FUCA2: variants seen among roughly 807,000 people sequenced by gnomAD.
FUCA2 encodes the protein plasma alpha-L-fucosidase.
In FUCA2, 41 loss-of-function variants were observed where a neutral mutation model predicts 52.6. The ratio of observed to expected loss-of-function variants is 0.78; its 90% CI spans 0.61 to 1.01. The LOEUF is 1.01. Ranked by LOEUF, FUCA2 falls within the 50% of genes least tolerant of loss-of-function variation. The pLI is 0.00. For missense variants in FUCA2, 507 were observed against 569.5 expected (o/e 0.89, Z 1.12); for synonymous variants, 211 against 217.3 (o/e 0.97, Z 0.26).
Position 143,510,260 on chromosome 6 carries a change from G to C in FUCA2, c.224+1151C>G, listed in dbSNP as rs954258760. Among the ~76,000 whole-genome samples, 1 of 152,064 alleles carries C rather than the reference G, an allele frequency of 6.6e-6. No homozygotes were observed. Among genetic ancestry groups the C allele is most frequent in the Admixed American group, 6.6e-5 (1 of 15,260 alleles). On this transcript the variant is annotated intron_variant, in intron 1 of 6. Coordinates refer to ENST00000002165, the MANE Select transcript of FUCA2 (RefSeq NM_032020.5). This position sits in a 1 kb window ranked among gnomAD's most constrained non-coding sequence, Gnocchi z 4.4. ...TAATATATAGTTCATACTCTGTATT[G>C]TGTCTACTAAATATAGTATGTTAAT...
In FUCA2 at chr6:143,502,521, C is replaced by G. The variant is rs1375215769; in HGVS notation, c.797G>C (p.Gly266Ala). The stretch of plus-strand genomic sequence containing the variant: ...GAAGCCACCATGCTTACAGATGCTA[C>G]CAGCTCCCCAACGATCATTGGTGAC... ...TVVTNDRWGAGSICKHGGFYT... is the reference protein window; with the variant it reads ...TVVTNDRWGAASICKHGGFYT... Residue 266 changes from glycine (G) to alanine (A), a missense_variant, in exon 4 of 7, where the codon GGT becomes GCT. Coordinates refer to ENST00000002165, the MANE Select transcript of FUCA2 (RefSeq NM_032020.5). The surrounding 1 kb of genome is among the most constrained non-coding windows in gnomAD (Gnocchi z 4.1). 3 of 1,613,996 alleles carry G rather than the reference C, an allele frequency of 1.9e-6. No individual in the cohort carries two copies. The highest frequency in any genetic ancestry group is 1.6e-4 in the Middle Eastern group (1 of 6,084).
Position 143,504,280 on chromosome 6 carries a change from A to T in FUCA2, c.413-28T>A, listed in dbSNP as rs1408293517. On this transcript the variant is annotated intron_variant, in intron 2 of 6. Coordinates refer to ENST00000002165, the MANE Select transcript of FUCA2 (RefSeq NM_032020.5). The surrounding 1 kb of genome is among the most constrained non-coding windows in gnomAD (Gnocchi z 4.4). ...AGAAAATTATAGTGAAAACCCTTGT[A>T]AGCATGTCAACTTTATTTTAGTAAA... 6.4e-7 allele frequency: 1 copy of T among 1,561,942 alleles called. No homozygotes were observed. Among genetic ancestry groups the T allele is most frequent in the South Asian group, 1.2e-5 (1 of 84,790 alleles).
In FUCA2 at chr6:143,511,475, T is replaced by C. The variant is rs948164688; in HGVS notation, c.160A>G (p.Lys54Glu). The C allele has an allele frequency of 6.2e-7, 1 of 1,608,970 alleles. No individual in the cohort carries two copies. Among genetic ancestry groups the C allele is most frequent in the Admixed American group, 1.7e-5 (1 of 59,434 alleles). ...CCCCAGTGGATGAAGATGCCGAACTTGGCCTGGTCAAACCACGCGGGCAGC... is the reference window on the plus strand; with the variant it reads ...CCCCAGTGGATGAAGATGCCGAACTCGGCCTGGTCAAACCACGCGGGCAGC... ...RQLPAWFDQA[K>E]FGIFIHWGVF... is the part of the protein sequence containing the mutation. Residue 54 changes from lysine to glutamate, a missense_variant, in exon 1 of 7, where the codon AAG (lysine) becomes GAG (glutamate). Physicochemically the swap from Lys to Glu is moderately conservative, Grantham distance 56. Coordinates refer to ENST00000002165, the MANE Select transcript of FUCA2 (RefSeq NM_032020.5). This position sits in a 1 kb window ranked among gnomAD's most constrained non-coding sequence, Gnocchi z 6.3.
At position 143,500,142 on chromosome 6, in the gene FUCA2, G is replaced by T. The variant is rs764346376; in HGVS notation, c.1154+1790C>A. Among the ~76,000 whole-genome samples, 2 of 152,096 alleles carry T rather than the reference G, an allele frequency of 1.3e-5. No homozygotes were observed. Among genetic ancestry groups the T allele is most frequent in the Admixed American group, 1.3e-4 (2 of 15,258 alleles). ...GATCTGTATTTAAAGTTGATGTTCC[G>T]TCAAGTGAGTATGGCAGAGGGAGCA... On this transcript the variant is annotated intron_variant, in intron 5 of 6. Coordinates refer to ENST00000002165, the MANE Select transcript of FUCA2 (RefSeq NM_032020.5). This position sits in a 1 kb window ranked among gnomAD's most constrained non-coding sequence, Gnocchi z 6.9.
chr6:143,511,593 C>T lies in FUCA2; in HGVS notation c.42G>A (p.Leu14=). 1 of 1,553,064 alleles carries T rather than the reference C, an allele frequency of 6.4e-7. No individual in the cohort carries two copies. Among genetic ancestry groups the T allele is most frequent in the Middle Eastern group, 1.7e-4 (1 of 5,844 alleles). The change falls in exon 1 of 7, where the codon CTG becomes CTA. Residue 14 remains leucine (L), a synonymous_variant. Coordinates refer to ENST00000002165, the MANE Select transcript of FUCA2 (RefSeq NM_032020.5). The surrounding 1 kb of genome is among the most constrained non-coding windows in gnomAD (Gnocchi z 6.3). ...QELPRLAFPL[L]LLLLLLLPPP... is the part of the protein sequence containing the mutation. ...GCGGCAGCAGCAGCAACAGCAACAGCAGCAACGGGAACGCGAGCCTGGGGA... is the reference window on the plus strand; with the variant it reads ...GCGGCAGCAGCAGCAACAGCAACAGTAGCAACGGGAACGCGAGCCTGGGGA...
rs1780517669 is a variant in FUCA2 at position 143,500,789 on chromosome 6, A to AG, written c.1154+1142_1154+1143insC. Among the ~76,000 whole-genome samples, 1 of 152,124 alleles carries AG rather than the reference A, an allele frequency of 6.6e-6. No individual in the cohort carries two copies. The highest frequency in any genetic ancestry group is 2.4e-5 in the African/African-American group (1 of 41,418). On this transcript the variant is annotated intron_variant, in intron 5 of 6. Transcript: ENST00000002165. This position sits in a 1 kb window ranked among gnomAD's most constrained non-coding sequence, Gnocchi z 6.9. ...GTGAAGAGTAGTTCTGGGGACAGGGACAGCAAGCCAGGGCTCTCTCAAAGG... is the reference window on the plus strand; with the variant it reads ...GTGAAGAGTAGTTCTGGGGACAGGGAGCAGCAAGCCAGGGCTCTCTCAAAGG...
At position 143,511,402 on chromosome 6, in the gene FUCA2, C is replaced by T. The variant is rs1206107132; in HGVS notation, c.224+9G>A. The T allele has an allele frequency of 1.3e-6, 2 of 1,594,006 alleles. No individual in the cohort carries two copies. Among genetic ancestry groups the T allele is most frequent in the Non-Finnish European group, 1.7e-6 (2 of 1,167,378 alleles). On this transcript the variant is annotated intron_variant, in intron 1 of 6. Coordinates refer to ENST00000002165, the MANE Select transcript of FUCA2 (RefSeq NM_032020.5). This position sits in a 1 kb window ranked among gnomAD's most constrained non-coding sequence, Gnocchi z 6.3. ...GCGCGGCAGACGAGACAAAAGGGAGCGCACTCACCAGAACCACTCGCTACC... is the reference window on the plus strand; with the variant it reads ...GCGCGGCAGACGAGACAAAAGGGAGTGCACTCACCAGAACCACTCGCTACC...
Position 143,500,293 on chromosome 6 carries a change from A to C in FUCA2, c.1154+1639T>G, listed in dbSNP as rs572858872. Reference sequence around the variant, plus strand: ...AAAGATAGTATGATCACTGGATTATAGATCCCTTTGGAAGCCGAAGTGCCA... The same window carrying C: ...AAAGATAGTATGATCACTGGATTATCGATCCCTTTGGAAGCCGAAGTGCCA... On this transcript the variant is annotated intron_variant, in intron 5 of 6. Transcript: ENST00000002165. This position sits in a 1 kb window ranked among gnomAD's most constrained non-coding sequence, Gnocchi z 6.9. Among the ~76,000 whole-genome samples, 38 of 152,336 alleles carry C rather than the reference A, an allele frequency of 2.5e-4. No individual in the cohort carries two copies. The highest frequency in any genetic ancestry group is 5.3e-4 in the Non-Finnish European group (36 of 68,030).
intron 5 of FUCA2, among the ~76,000 whole-genome samples, chr6:143,498,645 A>G (rs1290499589): frequency 1.3e-5 from 2 of 152,174 alleles, no homozygotes; most frequent in Non-Finnish European, 2.9e-5. Context: ...AGATAAGATC[A>G]GAGAGGCGAT....
At position 143,502,681 on chromosome 6, in the gene FUCA2, G is replaced by A. The variant is rs1780547431; in HGVS notation, c.753-116C>T. ...AATTCTGAAAAGGGACCATGGCATA[G>A]TACAGTGGAAAGCCCATGGTTTTGA... On this transcript the variant is annotated intron_variant, in intron 3 of 6. Coordinates refer to ENST00000002165, the MANE Select transcript of FUCA2 (RefSeq NM_032020.5). This position sits in a 1 kb window ranked among gnomAD's most constrained non-coding sequence, Gnocchi z 4.1. 4 of 864,422 alleles carry A rather than the reference G, an allele frequency of 4.6e-6. No homozygotes were observed. The highest frequency in any genetic ancestry group is 3.4e-5 in the African/African-American group (2 of 58,714). 53.5% of individuals were successfully genotyped at this position (864,422 alleles called of 1,614,324 possible). A position where few individuals can be genotyped will look rare whatever the true frequency, so the allele number is the denominator to read the frequency against.
rs1411437154 is a variant in FUCA2, at chr6:143,497,304, T to C, written c.1263+85A>G. 1 of 873,496 alleles carries C rather than the reference T, an allele frequency of 1.1e-6. No homozygotes were observed. Among genetic ancestry groups the C allele is most frequent in the Non-Finnish European group, 1.9e-6 (1 of 517,966 alleles). 54.1% of individuals were successfully genotyped at this position (873,496 alleles called of 1,614,324 possible). ...CTTTTATGAAGTATAAGTGAAACAG[T>C]TATAAGGCTCCCCTTAAAAGTTAAT... On this transcript the variant is annotated intron_variant, in intron 6 of 6. Transcript: ENST00000002165. This position sits in a 1 kb window ranked among gnomAD's most constrained non-coding sequence, Gnocchi z 5.3.
Position 143,497,341 on chromosome 6 carries a change from G to C in FUCA2, c.1263+48C>G. On this transcript the variant is annotated intron_variant, in intron 6 of 6. Transcript: ENST00000002165. The surrounding 1 kb of genome is among the most constrained non-coding windows in gnomAD (Gnocchi z 5.3). ...CCTTAAAAGTTAATGTTTGCATCAAGATGTTCTAATCAGCAATTTAAAGGA... is the reference window on the plus strand; with the variant it reads ...CCTTAAAAGTTAATGTTTGCATCAACATGTTCTAATCAGCAATTTAAAGGA... The C allele has an allele frequency of 8.6e-7, 1 of 1,168,044 alleles. No individual in the cohort carries two copies. The highest frequency in any genetic ancestry group is 1.2e-5 in the South Asian group (1 of 81,682). 72.4% of individuals were successfully genotyped at this position (1,168,044 alleles called of 1,614,324 possible). A position where few individuals can be genotyped will look rare whatever the true frequency, so the allele number is the denominator to read the frequency against.
Position 143,510,310 on chromosome 6 carries a change from A to G in FUCA2, c.224+1101T>C, listed in dbSNP as rs961499001. ...TTTGGATGTATACTATTTATGTAGTATATAGTTGATTCAAATAAATACTGT... is the reference window on the plus strand; with the variant it reads ...TTTGGATGTATACTATTTATGTAGTGTATAGTTGATTCAAATAAATACTGT... On this transcript the variant is annotated intron_variant, in intron 1 of 6. Coordinates refer to ENST00000002165, the MANE Select transcript of FUCA2 (RefSeq NM_032020.5). The surrounding 1 kb of genome is among the most constrained non-coding windows in gnomAD (Gnocchi z 4.4). Among the ~76,000 whole-genome samples the G allele has an allele frequency of 5.9e-5, 9 of 152,198 alleles. No individual in the cohort carries two copies. Among genetic ancestry groups the G allele is most frequent in the Admixed American group, 2.0e-4 (3 of 15,278 alleles).
At position 143,511,417 on chromosome 6, in the gene FUCA2, C is replaced by T. The variant is rs1193025330; in HGVS notation, c.218G>A (p.Trp73Ter). The T allele has an allele frequency of 6.2e-7, 1 of 1,610,724 alleles. No homozygotes were observed. Among genetic ancestry groups the T allele is most frequent in the Non-Finnish European group, 8.5e-7 (1 of 1,178,188 alleles). The part of the protein sequence containing the change: ...VFSVPSFGSE[W>*]FWWYWQKEKI... Reference sequence around the variant, plus strand: ...CAAAAGGGAGCGCACTCACCAGAACCACTCGCTACCGAAGCTGGGCACGGA... The same window carrying T: ...CAAAAGGGAGCGCACTCACCAGAACTACTCGCTACCGAAGCTGGGCACGGA... Residue 73 changes from tryptophan to a stop codon, truncating the protein, a stop_gained, in exon 1 of 7, where the codon TGG becomes TAG. Transcript: ENST00000002165. LOFTEE classifies it high-confidence loss of function. The surrounding 1 kb of genome is among the most constrained non-coding windows in gnomAD (Gnocchi z 6.3).
rs147410682 is a variant in FUCA2 at position 143,501,891 on chromosome 6, C to T, written c.1154+41G>A. On this transcript the variant is annotated intron_variant, in intron 5 of 6. Coordinates refer to ENST00000002165, the MANE Select transcript of FUCA2 (RefSeq NM_032020.5). The surrounding 1 kb of genome is among the most constrained non-coding windows in gnomAD (Gnocchi z 6.1). ...TATATGTCTGATAAATTTTAAATCTCTTCCTTTATAAAAGAGTACTTGGTA... is the reference window on the plus strand; with the variant it reads ...TATATGTCTGATAAATTTTAAATCTTTTCCTTTATAAAAGAGTACTTGGTA... 2.0e-6 allele frequency: 3 copies of T among 1,526,696 alleles called. No individual in the cohort carries two copies. The highest frequency in any genetic ancestry group is 2.3e-5 in the East Asian group (1 of 44,262). 94.6% of individuals were successfully genotyped at this position (1,526,696 alleles called of 1,614,324 possible). A position where few individuals can be genotyped will look rare whatever the true frequency, so the allele number is the denominator to read the frequency against.
intron 2 of FUCA2, chr6:143,505,745 C>T (rs758245271): frequency 6.6e-6 from 1 of 152,158 alleles, no homozygotes; most frequent in Non-Finnish European, 1.5e-5. Context: ...GCCCTAATGT[C>T]AGACAGTACT....
In FUCA2 at chr6:143,499,666, A is replaced by G. The variant is rs1008046341; in HGVS notation, c.1155-2169T>C. ...AAAGGTACGACAAACACCAGGAGAG[A>G]CAGTGATAAACTGAGGCAGACACTG... On this transcript the variant is annotated intron_variant, in intron 5 of 6. Coordinates refer to ENST00000002165, the MANE Select transcript of FUCA2 (RefSeq NM_032020.5). The surrounding 1 kb of genome is among the most constrained non-coding windows in gnomAD (Gnocchi z 6.0). 1.3e-5 allele frequency among the ~76,000 whole-genome samples: 2 copies of G among 152,194 alleles called. No homozygotes were observed. Among genetic ancestry groups the G allele is most frequent in the Admixed American group, 6.5e-5 (1 of 15,276 alleles).
rs980208774 is a variant in FUCA2, at chr6:143,501,354, C to T, written c.1154+578G>A. On this transcript the variant is annotated intron_variant, in intron 5 of 6. Transcript: ENST00000002165. This position sits in a 1 kb window ranked among gnomAD's most constrained non-coding sequence, Gnocchi z 6.1. ...CTGAAAGCGAATTTTTAGAACTTCA[C>T]CAATACTCATCTTATTTTATATATG... Among the ~76,000 whole-genome samples, 2 of 152,160 alleles carry T rather than the reference C, an allele frequency of 1.3e-5. No individual in the cohort carries two copies. The highest frequency in any genetic ancestry group is 6.6e-5 in the Admixed American group (1 of 15,264).
At position 143,504,216 on chromosome 6, in the gene FUCA2, C is replaced by T. The variant is rs1206801569; in HGVS notation, c.449G>A (p.Trp150Ter). The T allele has an allele frequency of 6.2e-7, 1 of 1,614,070 alleles. No homozygotes were observed. The change falls in exon 3 of 7, where the codon TGG becomes TAG. Residue 150 changes from tryptophan to a stop codon, truncating the protein, a stop_gained. Coordinates refer to ENST00000002165, the MANE Select transcript of FUCA2 (RefSeq NM_032020.5). LOFTEE classifies it high-confidence loss of function. This position sits in a 1 kb window ranked among gnomAD's most constrained non-coding sequence, Gnocchi z 4.4. ...TLWGSEYSWNWNAIDEGPKRD... is the reference protein window; with the variant it reads ...TLWGSEYSWN ...CTTGGGCCCCTCATCTATGGCATTC[C>T]AGTTCCACGAATATTCTGACCCCCA...
Sources: allele counts gnomAD v4.1 joint callset (sites outside exome capture counted in the v4.1 genomes callset), GRCh38; gene constraint gnomAD v4.1.1; non-coding constraint Gnocchi (gnomAD v3.1); transcripts MANE v1.5; gene names NCBI Gene and HGNC (gene_info 2026-07-23, HGNC 2026-07-21).